The following LRP2 variants were observed in gnomAD, a reference collection of about 807,000 sequenced individuals.
LRP2 encodes the protein low-density lipoprotein receptor-related protein 2.
A neutral mutation model predicts 531.0 loss-of-function variants in LRP2; 172 were observed. The observed-to-expected ratio is 0.32, with a 90% CI of 0.29 to 0.37. The LOEUF (loss-of-function observed/expected upper bound fraction) is 0.37, where lower values mean the gene tolerates loss of function less well. Ranked by LOEUF, LRP2 falls within the 10% of genes least tolerant of loss-of-function variation. The pLI is 1.00. For synonymous variants in LRP2, 1,992 were observed against 2,027.6 expected (o/e 0.98, Z 0.47); for missense variants, 5,167 against 5,868.3 (o/e 0.88, Z 3.90).
rs746900856 is a variant in LRP2, at chr2:169,279,642, A to G, written c.1342-47T>C. The G allele has an allele frequency of 1.1e-5, 13 of 1,191,616 alleles. No homozygotes were observed. The South Asian group carries it at 1.6e-4, about 15-fold the overall frequency. 73.8% of individuals were successfully genotyped at this position (1,191,616 alleles called of 1,614,324 possible). A position where few individuals can be genotyped will look rare whatever the true frequency, so the allele number is the denominator to read the frequency against. The stretch of plus-strand genomic sequence containing the variant: ...TTATATTTCTTCAGCATCACTAACT[A>G]CGTGGTTTGTTTTGATTTTTTTTAG... On this transcript the variant is annotated intron_variant, in intron 11 of 78. Coordinates refer to ENST00000649046, the MANE Select transcript of LRP2 (RefSeq NM_004525.3).
At chr2:169,302,104 ATGCATCGTCAC>A (rs1219579146) in intron 4 of LRP2, among the ~76,000 whole-genome samples, 1 of 152,138 alleles carries the variant, frequency 6.6e-6, no homozygotes, top group Non-Finnish European at 1.5e-5. Context: ...AATGATTTCC[ATGCATCGTCAC>A]TGCAGAAATA....
intron 66 of LRP2, 80 bp from the exon 67 acceptor site, chr2:169,153,044 A>G: frequency 1.5e-6 from 2 of 1,323,602 alleles, no homozygotes; most frequent in Non-Finnish European, 2.2e-6. Flanking sequence ...CAGGTGAAGT[A>G]CTGTTCGTTT....
intron 54 of LRP2, among the ~76,000 whole-genome samples, chr2:169,175,637 C>T (rs1383350009): frequency 8.7e-5 from 8 of 92,452 alleles, no homozygotes; most frequent in Admixed American, 6.7e-4. Flanking sequence ...GAATAAATTT[C>T]CTCCACAAAA....
chr2:169,327,122 C>T (rs1176092559), intron 1 of LRP2, among the ~76,000 whole-genome samples: 8 of 141,094 alleles, frequency 5.7e-5, no homozygotes, highest in South Asian at 4.7e-4. Flanking sequence ...CCGCCCCATC[C>T]GGGAGGGAGG....
chr2:169,263,473 C>T (rs1690656855), intron 16 of LRP2, among the ~76,000 whole-genome samples: 1 of 151,060 alleles, frequency 6.6e-6, no homozygotes, highest in South Asian at 2.1e-4. Context: ...GACATTTATG[C>T]AGCCAAAAAA....
At chr2:169,274,977 G>T in intron 14 of LRP2, 59 bp downstream of exon 14, 1 of 1,538,676 alleles carries the variant, frequency 6.5e-7, no homozygotes, top group South Asian at 1.1e-5. Context: ...TCAAAGCTTT[G>T]AGAAAACCTT....
At chr2:169,202,616 T>A (rs544257334) in intron 43 of LRP2, 140 bp downstream of exon 43, 22 of 828,254 alleles carry the variant, frequency 2.7e-5, no homozygotes, top group Non-Finnish European at 4.5e-5. Context: ...GTCTGGATTA[T>A]CAGAGGAAAC....
At chr2:169,146,315 A>C (rs1199340974) in intron 69 of LRP2, among the ~76,000 whole-genome samples, 1 of 152,212 alleles carries the variant, frequency 6.6e-6, no homozygotes, top group African/African-American at 2.4e-5. Flanking sequence ...GCAATTCTGC[A>C]GAGTCTGAAC....
intron 30 of LRP2, 28 bp from the exon 31 acceptor site, chr2:169,231,870 G>A (rs1689418081): frequency 7.4e-6 from 12 of 1,612,574 alleles, no homozygotes; most frequent in Middle Eastern, 1.7e-4. Context: ...GAAAGCACCA[G>A]TAAGTGGAAA....
At chr2:169,280,315 C>T (rs1365713828) in intron 11 of LRP2, 35 bp downstream of exon 11, 8 of 1,612,954 alleles carry the variant, frequency 5.0e-6, no homozygotes, top group Non-Finnish European at 6.8e-6. Context: ...ACTTTGTGCT[C>T]AGGGTTCCAT....
intron 25 of LRP2, 69 bp from the exon 26 acceptor site, chr2:169,239,844 G>T: frequency 7.3e-7 from 1 of 1,377,696 alleles, no homozygotes; most frequent in Non-Finnish European, 1.0e-6. Flanking sequence ...TCACTCTTAT[G>T]CAATATTTAT....
intron 1 of LRP2, among the ~76,000 whole-genome samples, chr2:169,347,329 T>A (rs2105569201): frequency 6.6e-6 from 1 of 152,304 alleles, no homozygotes; most frequent in South Asian, 2.1e-4. Flanking sequence ...TTTAAGCACA[T>A]CCAGCACATA....
chr2:169,266,697 A>G (rs1480694803), intron 16 of LRP2, among the ~76,000 whole-genome samples: 1 of 152,014 alleles, frequency 6.6e-6, no homozygotes, highest in Non-Finnish European at 1.5e-5. Context: ...TATTACTATT[A>G]CAAACCAAAC....
chr2:169,213,621 T>C (rs1248584466), intron 36 of LRP2, 36 bp downstream of exon 36: 14 of 1,511,660 alleles, frequency 9.3e-6, no homozygotes, highest in Non-Finnish European at 1.2e-5. Context: ...ATATGCATTA[T>C]ACACCCATGA....
intron 9 of LRP2, among the ~76,000 whole-genome samples, chr2:169,286,536 C>A (rs1189503470): frequency 2.0e-5 from 3 of 152,190 alleles, no homozygotes; most frequent in Non-Finnish European, 2.9e-5. Flanking sequence ...GTTATGACAG[C>A]CTTTCGCTTT....
At chr2:169,192,136 G>A (rs1687852018) in intron 47 of LRP2, 103 bp from the exon 48 acceptor site, 1 of 788,756 alleles carries the variant, frequency 1.3e-6, no homozygotes. Context: ...GAAAGGAAAT[G>A]GGAGGAAAAC....
In LRP2 at chr2:169,201,996, T is replaced by C. The variant is rs574855323; in HGVS notation, c.8210-126A>G. On this transcript the variant is annotated intron_variant, in intron 43 of 78. Coordinates refer to ENST00000649046, the MANE Select transcript of LRP2 (RefSeq NM_004525.3). ...TTCCAAGGCAAAAAACGCTGCAAAA[T>C]GGACTGCATGCAAAGTGAGATAACA... is the stretch of plus-strand genomic sequence containing the variant. 1,045 of 1,132,928 alleles carry C rather than the reference T, an allele frequency of 9.2e-4. 1 individual carries two copies. The highest frequency in any genetic ancestry group is 1.3e-3 in the Non-Finnish European group (981 of 783,034). 70.2% of individuals were successfully genotyped at this position (1,132,928 alleles called of 1,614,324 possible). A position where few individuals can be genotyped will look rare whatever the true frequency, so the allele number is the denominator to read the frequency against.
intron 1 of LRP2, among the ~76,000 whole-genome samples, chr2:169,325,760 T>C (rs1221369254): frequency 6.6e-6 from 1 of 152,200 alleles, no homozygotes; most frequent in Non-Finnish European, 1.5e-5. Context: ...CTGTCTGGTT[T>C]TCCTTACAGA....
Position 169,320,872 on chromosome 2 carries a change from G to A in LRP2, c.92C>T (p.Ala31Val), listed in dbSNP as rs144829356. The A allele has an allele frequency of 1.3e-3, 2,113 of 1,612,364 alleles. 32 individuals are homozygous for A. In the East Asian group the frequency reaches 0.035, roughly 27 times the overall value. ...ATGCCCACTTCCACAGCGAAAATGC[G>A]CACTGTCACATTCTGCAATAATAGA... ...APASGQECDS[A>V]HFRCGSGHCI... Residue 31 changes from alanine to valine, a missense_variant, in exon 2 of 79, where the codon GCG (alanine) becomes GTG (valine). Transcript: ENST00000649046.
Sources: gnomAD v4.1 joint callset for allele counts (sites outside exome capture counted in the v4.1 genomes callset) on GRCh38, gnomAD v4.1.1 for gene constraint, MANE v1.5 for transcripts, NCBI Gene and HGNC (gene_info 2026-07-23, HGNC 2026-07-21) for gene names.